The following PKIA variants were observed in gnomAD, a reference collection of about 807,000 sequenced individuals.
PKIA encodes the protein PKI-alpha.
In PKIA, 4 loss-of-function variants were observed where a neutral mutation model predicts 7.6. The observed-to-expected ratio is 0.52, with a 90% confidence interval of 0.26 to 1.20. PKIA has a LOEUF of 1.20. Among genes scored for constraint, PKIA ranks in the 50% most tolerant of loss-of-function variants. The probability of loss-of-function intolerance (pLI) is 0.13; values close to 1 mark genes in which losing one functional copy is unlikely to be tolerated. For missense variants in PKIA, 73 were observed against 86.2 expected (o/e 0.85, Z 0.61); for synonymous variants, 21 against 30.7 (o/e 0.68, Z 1.04).
At chr8:78,569,758 C>T (rs1405333799) in intron 1 of PKIA, among the ~76,000 whole-genome samples, 1 of 151,822 alleles carries the variant, frequency 6.6e-6, no homozygotes, top group African/African-American at 2.4e-5. Flanking sequence ...TTATGTATTT[C>T]TTAAAATAAA....
At chr8:78,562,589 C>T (rs374520348) in intron 1 of PKIA, among the ~76,000 whole-genome samples, 3 of 152,102 alleles carry the variant, frequency 2.0e-5, no homozygotes, top group Non-Finnish European at 2.9e-5. Flanking sequence ...GTAGCTATCA[C>T]GTGGCTTTGC....
At chr8:78,520,230 G>T (rs1005136369) in intron 1 of PKIA, among the ~76,000 whole-genome samples, 2 of 152,078 alleles carry the variant, frequency 1.3e-5, no homozygotes, top group East Asian at 1.9e-4. Flanking sequence ...TGCTAATTTG[G>T]TTTTTTAAAA....
chr8:78,526,903 CAAT>C (rs1286672163), intron 1 of PKIA, among the ~76,000 whole-genome samples: 1 of 151,878 alleles, frequency 6.6e-6, no homozygotes, highest in Non-Finnish European at 1.5e-5. Context: ...GAAAAGCACA[CAAT>C]TTTACATTTT....
chr8:78,601,633 C>A, intron 3 of PKIA, 109 bp from the exon 4 acceptor site: 1 of 794,010 alleles, frequency 1.3e-6, no homozygotes, highest in Admixed American at 2.2e-5. Flanking sequence ...TTCAAGGTTT[C>A]AGGCCTATTT....
At chr8:78,575,579 T>G (rs1470783084) in intron 2 of PKIA, among the ~76,000 whole-genome samples, 1 of 152,060 alleles carries the variant, frequency 6.6e-6, no homozygotes, top group East Asian at 1.9e-4. Flanking sequence ...TTTATGAGCA[T>G]GTATTTTAAT....
chr8:78,564,689 C>T (rs1331343814), intron 1 of PKIA, among the ~76,000 whole-genome samples: 2 of 151,512 alleles, frequency 1.3e-5, no homozygotes. Flanking sequence ...GTTCATTGTC[C>T]TGTCATGTGT....
chr8:78,592,641 C>T (rs185835575), intron 2 of PKIA, among the ~76,000 whole-genome samples: 2 of 152,214 alleles, frequency 1.3e-5, no homozygotes, highest in Admixed American at 1.3e-4. Context: ...GTGTTCATTA[C>T]TTGGGAGTGC....
chr8:78,573,905 T>C (rs1429549792), intron 2 of PKIA, among the ~76,000 whole-genome samples: 1 of 151,996 alleles, frequency 6.6e-6, no homozygotes, highest in African/African-American at 2.4e-5. Context: ...TTTGCCAAGG[T>C]CTGTGACAGA....
chr8:78,523,894 A>T (rs1809464914), intron 1 of PKIA, among the ~76,000 whole-genome samples: 1 of 143,324 alleles, frequency 7.0e-6, no homozygotes, highest in African/African-American at 2.6e-5. Context: ...ATATTTATAC[A>T]TATTTATATT....
chr8:78,540,059 C>T (rs939396019), intron 1 of PKIA, among the ~76,000 whole-genome samples: 1 of 146,106 alleles, frequency 6.8e-6, no homozygotes, highest in African/African-American at 2.5e-5. Context: ...CTTACAATTA[C>T]AACATCAGAG....
At position 78,580,327 on chromosome 8, in the gene PKIA, C is replaced by A. The variant is rs543012587; in HGVS notation, c.-28+7388C>A. On this transcript the variant is annotated intron_variant, in intron 2 of 3. Coordinates refer to ENST00000396418, the MANE Select transcript of PKIA (RefSeq NM_006823.4). ...TTGTCTTTATAACTTCCTAAAGAAC[C>A]ACTTCTAATATTCTCTAGGAAAAAA... is the stretch of plus-strand genomic sequence containing the variant. Among the ~76,000 whole-genome samples the A allele has an allele frequency of 2.0e-5, 3 of 151,978 alleles. No individual in the cohort carries two copies. The South Asian group carries it at 6.2e-4, about 32-fold the overall frequency.
At chr8:78,544,296 T>C (rs145910363) in intron 1 of PKIA, among the ~76,000 whole-genome samples, 70 of 152,304 alleles carry the variant, frequency 4.6e-4, no homozygotes, top group African/African-American at 1.6e-3. Flanking sequence ...CTTTGCTCTA[T>C]ATTTTCTAGG....
intron 1 of PKIA, among the ~76,000 whole-genome samples, chr8:78,526,353 A>G (rs1379639774): frequency 2.6e-5 from 4 of 152,050 alleles, no homozygotes; most frequent in African/African-American, 9.7e-5. Flanking sequence ...GCAAAAGTCA[A>G]TTGGCTAGCA....
Position 78,602,694 on chromosome 8 carries a change from A to ATATATATATATATATATATATATATAT in PKIA, c.*873_*874insTATATATATATATATATATATATATAT, listed in dbSNP as rs1563597433. On this transcript the variant is annotated 3_prime_UTR_variant, in exon 4 of 4. Coordinates refer to ENST00000396418, the MANE Select transcript of PKIA (RefSeq NM_006823.4). Reference sequence around the variant, plus strand: ...CTCAAGTGGAGAACTTCTCCCACATAATATATATATATATATATATTTTAA... The same window carrying ATATATATATATATATATATATATATAT: ...CTCAAGTGGAGAACTTCTCCCACATATATATATATATATATATATATATATATATATATATATATATATATATTTTAA... 7.3e-5 allele frequency: 10 copies of ATATATATATATATATATATATATATAT among 136,982 alleles called. No individual in the cohort carries two copies. The South Asian group carries it at 1.8e-3, about 24-fold the overall frequency. 8.5% of individuals were successfully genotyped at this position (136,982 alleles called of 1,614,324 possible). A position where few individuals can be genotyped will look rare whatever the true frequency, so the allele number is the denominator to read the frequency against.
intron 1 of PKIA, among the ~76,000 whole-genome samples, chr8:78,565,185 G>GA (rs1309829728): frequency 1.4e-5 from 2 of 145,810 alleles, no homozygotes; most frequent in East Asian, 1.9e-4. Context: ...ATTGTTTTTA[G>GA]AAAAAATTTC....
chr8:78,540,123 T>C (rs940150553), intron 1 of PKIA, among the ~76,000 whole-genome samples: 2 of 149,158 alleles, frequency 1.3e-5, no homozygotes, highest in African/African-American at 4.9e-5. Flanking sequence ...TTGTAGGAGA[T>C]GCATGGAGAG....
At chr8:78,598,073 TATTA>T (rs1184773458) in intron 2 of PKIA, among the ~76,000 whole-genome samples, 4 of 147,396 alleles carry the variant, frequency 2.7e-5, no homozygotes, top group Admixed American at 6.8e-5. Flanking sequence ...TAATATGTAT[TATTA>T]ATTATTAATA....
chr8:78,590,582 A>G (rs1031509922), intron 2 of PKIA, among the ~76,000 whole-genome samples: 9 of 152,140 alleles, frequency 5.9e-5, no homozygotes, highest in Non-Finnish European at 1.2e-4. Context: ...TCTTTTATTA[A>G]GCCAGACATT....
chr8:78,542,246 A>G (rs1806711910), intron 1 of PKIA, among the ~76,000 whole-genome samples: 1 of 152,092 alleles, frequency 6.6e-6, no homozygotes, highest in African/African-American at 2.4e-5. Context: ...GCACTGCCCT[A>G]GTTTGAACTT....
Sources: allele counts gnomAD v4.1 joint callset (sites outside exome capture counted in the v4.1 genomes callset), GRCh38; gene constraint gnomAD v4.1.1; transcripts MANE v1.5; gene names NCBI Gene and HGNC (gene_info 2026-07-23, HGNC 2026-07-21).